The following OR6B3 variants were observed in gnomAD, a reference collection of about 807,000 sequenced individuals.
OR6B3 encodes the protein olfactory receptor family 6 subfamily B member 3.
For synonymous variants in OR6B3, 148 were observed against 187.8 expected, an observed-to-expected ratio of 0.79 and a Z score of 1.73; for missense variants, 315 against 427.4, an observed-to-expected ratio of 0.74 and a Z score of 2.32.
upstream of OR6B3, among the ~76,000 whole-genome samples, chr2:240,049,850 T>G (rs1422582056): frequency 6.6e-6 from 1 of 152,084 alleles, no homozygotes; most frequent in Non-Finnish European, 1.5e-5. Flanking sequence ...AAGGATAAGA[T>G]TGTAATAAGA....
At position 240,045,131 on chromosome 2, in the gene OR6B3, C is replaced by CCCCT. The variant is rs774711398; in HGVS notation, c.938_941dup (p.Arg315GlyfsTer5). 18 of 1,612,906 alleles carry CCCCT rather than the reference C, an allele frequency of 1.1e-5. No individual in the cohort carries two copies. On this transcript the variant is annotated frameshift_variant, in exon 2 of 2. Transcript: ENST00000641019. LOFTEE classifies it low-confidence loss of function (END_TRUNC). The stretch of plus-strand genomic sequence containing the variant: ...GAAGTTCCAGAAGACTAGAAAGCCT[C>CCCCT]CCCTCTACGGCGCAGCTCGTCAAGC...
chr2:240,048,735 G>A (rs1044876774), upstream of OR6B3, among the ~76,000 whole-genome samples: 8 of 152,294 alleles, frequency 5.3e-5, no homozygotes, highest in East Asian at 3.9e-4. Context: ...GTGATGGCAC[G>A]TGTTTCTTTT....
the OR6B3 span, among the ~76,000 whole-genome samples, chr2:240,052,250 C>T: frequency 1.3e-4 from 20 of 152,106 alleles, no homozygotes; most frequent in African/African-American, 4.6e-4. The surrounding 1 kb of genome is among the most constrained non-coding windows in gnomAD (Gnocchi z 4.5). Context: ...GAAATCTCAC[C>T]AAATTATATT....
upstream of OR6B3, among the ~76,000 whole-genome samples, chr2:240,049,834 T>C (rs1302286011): frequency 1.3e-5 from 2 of 152,150 alleles, no homozygotes; most frequent in African/African-American, 4.8e-5. Flanking sequence ...GAGGAAAACC[T>C]TGGGAAAGGA....
intron 1 of OR6B3, among the ~76,000 whole-genome samples, chr2:240,046,305 A>G (rs925536980): frequency 3.9e-5 from 6 of 152,024 alleles, no homozygotes; most frequent in Non-Finnish European, 7.4e-5. Context: ...AGCCTGTAAC[A>G]CTGGGTCTGG....
At chr2:240,048,124 G>A (rs1342467062), upstream of OR6B3, among the ~76,000 whole-genome samples, 2 of 152,202 alleles carry the variant, frequency 1.3e-5, no homozygotes, top group African/African-American at 4.8e-5. Context: ...CCTGGTTCGT[G>A]TTGGCATGCA....
chr2:240,045,751 C>G, exon 2 of OR6B3: 1 of 1,402,820 alleles, frequency 7.1e-7, no homozygotes, highest in Non-Finnish European at 1.0e-6. Flanking sequence ...TCGGTGCACA[C>G]CAGGGAGCTG....
upstream of OR6B3, among the ~76,000 whole-genome samples, chr2:240,051,702 T>A (rs1024593432): frequency 2.0e-5 from 3 of 152,366 alleles, no homozygotes; most frequent in South Asian, 6.2e-4. Flanking sequence ...CACGTGGCAC[T>A]AGCGTGATTA....
downstream of OR6B3, among the ~76,000 whole-genome samples, chr2:240,044,857 G>A (rs1000947530): frequency 6.6e-6 from 1 of 152,224 alleles, no homozygotes; most frequent in Admixed American, 6.5e-5. Flanking sequence ...TTTCTGAAAT[G>A]TGCATGGTAA....
chr2:240,050,039 C>A (rs1698235949), upstream of OR6B3, among the ~76,000 whole-genome samples: 1 of 149,516 alleles, frequency 6.7e-6, no homozygotes, highest in African/African-American at 2.5e-5. Context: ...TAAAGGAAAT[C>A]ATAAGAAAGC....
At chr2:240,046,807 A>T (rs1698197728) in intron 1 of OR6B3, 145 bp downstream of exon 2, 1 of 152,462 alleles carries the variant, frequency 6.6e-6, no homozygotes, top group Admixed American at 6.5e-5. Context: ...TGGCTGAGGG[A>T]GGAGTCGTCC....
At chr2:240,051,447 G>A (rs1358432865), upstream of OR6B3, among the ~76,000 whole-genome samples, 1 of 152,250 alleles carries the variant, frequency 6.6e-6, no homozygotes, top group Non-Finnish European at 1.5e-5. Flanking sequence ...GACAGGCCCA[G>A]ATACTTTGCC....
Position 240,046,421 on chromosome 2 carries a change from A to T in OR6B3, c.-25-324T>A, listed in dbSNP as rs567350512. The stretch of plus-strand genomic sequence containing the variant: ...AAGGGACCCAATAACCATGAAGGGC[A>T]TCCACAGGGTGTCCGGTGTCCTCCA... On this transcript the variant is annotated intron_variant, in intron 1 of 1. Transcript: ENST00000641019. Among the ~76,000 whole-genome samples the T allele has an allele frequency of 2.6e-5, 4 of 152,330 alleles. No homozygotes were observed. The East Asian group carries it at 7.7e-4, about 29-fold the overall frequency.
At chr2:240,045,689 G>T (rs886383619) in exon 2 of OR6B3, 7 of 1,343,550 alleles carry the variant, frequency 5.2e-6, no homozygotes, top group South Asian at 1.2e-5. Context: ...AGCGCAGCGG[G>T]TGGCAGATGG....
At chr2:240,045,880 A>G in exon 2 of OR6B3, 1 of 1,610,136 alleles carries the variant, frequency 6.2e-7, no homozygotes, top group African/African-American at 1.3e-5. Flanking sequence ...AAAGACATGG[A>G]GCTCAGAAAG....
At chr2:240,051,858 C>A (rs1445629301), upstream of OR6B3, among the ~76,000 whole-genome samples, 2 of 152,202 alleles carry the variant, frequency 1.3e-5, no homozygotes, top group Non-Finnish European at 2.9e-5. Context: ...TTTTTCCTAA[C>A]ATGATAAATA....
At chr2:240,046,825 C>T (rs1698198294) in intron 1 of OR6B3, 127 bp downstream of exon 2, 1 of 152,328 alleles carries the variant, frequency 6.6e-6, no homozygotes, top group African/African-American at 2.4e-5. Context: ...TCCACCCACA[C>T]CTGAGTGTGT....
chr2:240,045,086 C>T, exon 2 of OR6B3: 6 of 1,586,984 alleles, frequency 3.8e-6, no homozygotes, highest in South Asian at 2.3e-5. Flanking sequence ...CTCAGAGAGG[C>T]TGGCTGTGTA....
At chr2:240,051,350 G>A (rs4854047), upstream of OR6B3, among the ~76,000 whole-genome samples, 6,191 of 152,242 alleles carry the variant, frequency 0.041, 234 homozygotes, top group South Asian at 0.12. Context: ...ACTGTTAAAG[G>A]CAAGAAAAAG....
Sources: allele counts gnomAD v4.1 joint callset (sites outside exome capture counted in the v4.1 genomes callset), GRCh38; gene constraint gnomAD v4.1.1; non-coding constraint Gnocchi (gnomAD v3.1); transcripts MANE v1.5; gene names NCBI Gene and HGNC (gene_info 2026-07-23, HGNC 2026-07-21).